The following FHIT variants were observed in gnomAD, a reference collection of about 807,000 sequenced individuals.
FHIT encodes bis(5'-adenosyl)-triphosphatase.
A neutral mutation model predicts 17.9 loss-of-function variants in FHIT; 19 were observed. That is an observed-to-expected ratio of 1.06 (90% CI 0.74 to 1.56). The LOEUF (loss-of-function observed/expected upper bound fraction) is 1.56. Ranked by LOEUF, FHIT falls within the 40% of genes most tolerant of loss-of-function variation. FHIT has a pLI of 0.00. For synonymous variants in FHIT, 81 were observed against 69.7 expected, an observed-to-expected ratio of 1.16 and a Z score of -0.81; for missense variants, 248 against 189.2, an observed-to-expected ratio of 1.31 and a Z score of -1.82.
chr3:60,518,696 A>T (rs953808133), intron 5 of FHIT, among the ~76,000 whole-genome samples: 1 of 152,218 alleles, frequency 6.6e-6, no homozygotes. Flanking sequence ...GCACAATATT[A>T]TACCATCGTT....
At chr3:60,047,070 G>C (rs1484913126) in intron 5 of FHIT, among the ~76,000 whole-genome samples, 1 of 152,226 alleles carries the variant, frequency 6.6e-6, no homozygotes, top group Non-Finnish European at 1.5e-5. Flanking sequence ...CATTCACACA[G>C]TGAATAGTGA....
chr3:60,373,274 T>C (rs1700411772), intron 5 of FHIT, among the ~76,000 whole-genome samples: 1 of 152,160 alleles, frequency 6.6e-6, no homozygotes, highest in African/African-American at 2.4e-5. Context: ...TGGGTAAGGA[T>C]AGGGTCAGAG....
intron 4 of FHIT, among the ~76,000 whole-genome samples, chr3:60,580,732 CA>C (rs1300006974): frequency 3.3e-5 from 5 of 152,068 alleles, no homozygotes; most frequent in Admixed American, 6.6e-5. Context: ...TTCTTCCTTA[CA>C]AAAGTTTCTT....
chr3:60,843,281 T>A (rs374105443), intron 3 of FHIT, among the ~76,000 whole-genome samples: 249 of 152,264 alleles, frequency 1.6e-3, no homozygotes, highest in Non-Finnish European at 3.0e-3. Flanking sequence ...GAAAGTCTCA[T>A]ACGACAGGTT....
At chr3:60,522,418 C>T (rs1413064075) in intron 5 of FHIT, among the ~76,000 whole-genome samples, 5 of 152,124 alleles carry the variant, frequency 3.3e-5, no homozygotes, top group African/African-American at 1.2e-4. Context: ...CCAGAAACAA[C>T]CATAATTTCT....
intron 3 of FHIT, among the ~76,000 whole-genome samples, chr3:61,014,826 G>C (rs1393481796): frequency 2.3e-5 from 2 of 85,124 alleles, no homozygotes; most frequent in Non-Finnish European, 4.9e-5. Context: ...ATATATATAT[G>C]TATACACATC....
At chr3:60,718,374 C>A (rs1277544975) in intron 4 of FHIT, among the ~76,000 whole-genome samples, 1 of 152,072 alleles carries the variant, frequency 6.6e-6, no homozygotes, top group Non-Finnish European at 1.5e-5. Context: ...TCTATGGCTG[C>A]CAAAATGGAA....
At chr3:61,181,835 T>C (rs559187734) in intron 2 of FHIT, among the ~76,000 whole-genome samples, 2 of 152,330 alleles carry the variant, frequency 1.3e-5, no homozygotes, top group African/African-American at 4.8e-5. Flanking sequence ...CAGGAATAGA[T>C]TCTAGTATTA....
intron 5 of FHIT, among the ~76,000 whole-genome samples, chr3:60,474,671 T>A (rs1009561574): frequency 6.6e-6 from 1 of 151,978 alleles, no homozygotes; most frequent in Non-Finnish European, 1.5e-5. Context: ...TCACCCAGGC[T>A]GGAGTGCAGT....
chr3:60,033,517 G>T (rs1384932302), intron 5 of FHIT, among the ~76,000 whole-genome samples: 1 of 151,438 alleles, frequency 6.6e-6, no homozygotes. Flanking sequence ...GAGAAAGAAA[G>T]AAAAGAAAGA....
chr3:61,245,366 A>G (rs1310427176), intron 1 of FHIT, among the ~76,000 whole-genome samples: 2 of 152,218 alleles, frequency 1.3e-5, no homozygotes, highest in Non-Finnish European at 2.9e-5. Context: ...AGAAAGTAGC[A>G]GAACCAAGAT....
At chr3:60,761,421 C>A (rs1699652317) in intron 4 of FHIT, among the ~76,000 whole-genome samples, 1 of 152,138 alleles carries the variant, frequency 6.6e-6, no homozygotes, top group African/African-American at 2.4e-5. Flanking sequence ...AAGACAGACA[C>A]TGTTCTGGTC....
Position 60,173,884 on chromosome 3 carries a change from AATATATATATATATATATAT to A in FHIT, c.104-159752_104-159733del, listed in dbSNP as rs776742490. Among the ~76,000 whole-genome samples, 196 of 30,518 alleles carry A rather than the reference AATATATATATATATATATAT, an allele frequency of 6.4e-3. 8 individuals carry two copies. Among genetic ancestry groups the A allele is most frequent in the African/African-American group, 0.029 (185 of 6,472 alleles). 20.0% of individuals were successfully genotyped at this position (30,518 alleles called of 152,430 possible). A position where few individuals can be genotyped will look rare whatever the true frequency, so the allele number is the denominator to read the frequency against. On this transcript the variant is annotated intron_variant, in intron 5 of 9. Transcript: ENST00000492590. ...GGTGCTAAACTATCTCCATGTTTCT[AATATATATATATATATATAT>A]ATATATATATATGTTTTTTTTTTTT...
intron 2 of FHIT, among the ~76,000 whole-genome samples, chr3:61,171,997 A>C (rs2107136286): frequency 6.6e-6 from 1 of 152,328 alleles, no homozygotes; most frequent in East Asian, 1.9e-4. Context: ...GGGAAAAGAA[A>C]TTTTGTTGTG....
At chr3:59,790,498 C>T (rs1699502613) in intron 8 of FHIT, among the ~76,000 whole-genome samples, 1 of 142,596 alleles carries the variant, frequency 7.0e-6, no homozygotes. Flanking sequence ...GCTTCTCTCT[C>T]TCTCTCTTTC....
chr3:60,815,260 T>C (rs2364296), intron 4 of FHIT, among the ~76,000 whole-genome samples: 4 of 152,022 alleles, frequency 2.6e-5, no homozygotes, highest in African/African-American at 7.2e-5. Flanking sequence ...CACTTGTCAA[T>C]TTTTGGTTTT....
chr3:60,494,584 A>C (rs1466146817), intron 5 of FHIT, among the ~76,000 whole-genome samples: 1 of 151,922 alleles, frequency 6.6e-6, no homozygotes. Flanking sequence ...ATTTTTTTGT[A>C]CTCATTAACC....
At chr3:60,119,816 G>C (rs1322376882) in intron 5 of FHIT, among the ~76,000 whole-genome samples, 3 of 152,044 alleles carry the variant, frequency 2.0e-5, no homozygotes, top group African/African-American at 7.2e-5. Context: ...ATCTACCACA[G>C]AGCTGTCACA....
intron 5 of FHIT, among the ~76,000 whole-genome samples, chr3:60,037,210 A>G (rs766945090): frequency 3.3e-5 from 5 of 152,014 alleles, no homozygotes; most frequent in Admixed American, 6.6e-5. Context: ...TTTATCATGC[A>G]CTCTTTTTAT....
Sources: gnomAD v4.1 joint callset for allele counts (sites outside exome capture counted in the v4.1 genomes callset) on GRCh38, gnomAD v4.1.1 for gene constraint, MANE v1.5 for transcripts, NCBI Gene and HGNC (gene_info 2026-07-23, HGNC 2026-07-21) for gene names.